The following RASL11A variants were observed in gnomAD, a reference collection of about 807,000 sequenced individuals.
The protein encoded by RASL11A is RAS like family 11 member A, also known as ras-like protein family member 11A.
In RASL11A, 14 loss-of-function variants were observed where a neutral mutation model predicts 17.1. The ratio of observed to expected loss-of-function variants is 0.82; its 90% CI spans 0.54 to 1.28. RASL11A has a LOEUF of 1.28. RASL11A is among the 50% of genes most tolerant of loss of function. The pLI, the probability that RASL11A is intolerant of heterozygous loss-of-function variation, is 0.00. For synonymous variants in RASL11A, 146 were observed against 132.5 expected, an observed-to-expected ratio of 1.10 and a Z score of -0.70; for missense variants, 283 against 312.3, an observed-to-expected ratio of 0.91 and a Z score of 0.71.
chr13:27,271,532 C>T lies in RASL11A; in HGVS notation c.173C>T (p.Pro58Leu), dbSNP rs766458775. The change falls in exon 2 of 4, where the codon CCG becomes CTG. Residue 58 changes from proline (P) to leucine (L), a missense_variant. Coordinates refer to ENST00000241463, the MANE Select transcript of RASL11A (RefSeq NM_206827.2). ...AAGAGATTCATTGGAGACTATGAAC[C>T]GAATACAGGTGAGAATACTTTCACG... Reference protein sequence around the residue: ...LTKRFIGDYEPNTGKLYSRLV... With the variant: ...LTKRFIGDYELNTGKLYSRLV... 1 of 1,614,026 alleles carries T rather than the reference C, an allele frequency of 6.2e-7. No individual in the cohort carries two copies. The highest frequency in any genetic ancestry group is 8.5e-7 in the Non-Finnish European group (1 of 1,179,984).
rs145325840 is a variant in RASL11A, at chr13:27,271,751, C to A, written c.261+33C>A. The A allele has an allele frequency of 5.8e-4, 907 of 1,563,652 alleles. 4 individuals are homozygous for A. In the African/African-American group the frequency reaches 0.011, roughly 19 times the overall value. The stretch of plus-strand genomic sequence containing the variant: ...CCGCCAGGGGCAAACAGCTCACCCC[C>A]ACCCGTGAGACCACCCCAGTGGGCA... On this transcript the variant is annotated intron_variant, in intron 3 of 3. Transcript: ENST00000241463.
rs778646573 is a variant in RASL11A at position 27,273,138 on chromosome 13, C to T, written c.373C>T (p.Arg125Ter). 21 of 1,614,050 alleles carry T rather than the reference C, an allele frequency of 1.3e-5. No homozygotes were observed. Among genetic ancestry groups the T allele is most frequent in the Non-Finnish European group, 1.5e-5 (18 of 1,180,034 alleles). ...AGACTATGACAGCTACTTGTCCATC[C>T]GACCCCTTTATCAGCACATCCGGAA... ...ITDYDSYLSI[R>*]PLYQHIRKVH... Residue 125 changes from arginine (R) to a stop codon, truncating the protein, a stop_gained, in exon 4 of 4, where the codon CGA (arginine) becomes TGA (stop). Transcript: ENST00000241463. LOFTEE classifies it high-confidence loss of function.
intron 3 of RASL11A, among the ~76,000 whole-genome samples, chr13:27,272,241 C>T (rs79323966): frequency 0.055 from 8,430 of 152,164 alleles, 462 homozygotes; most frequent in Non-Finnish European, 0.076. Context: ...TCTCCTGCTT[C>T]AGTCTCCCGA....
Position 27,273,122 on chromosome 13 carries a change from C to T in RASL11A, c.357C>T (p.Asp119=), listed in dbSNP as rs1275265087. Reference sequence around the variant, plus strand: ...TGGTCTATTCCATCACAGACTATGACAGCTACTTGTCCATCCGACCCCTTT... The same window carrying T: ...TGGTCTATTCCATCACAGACTATGATAGCTACTTGTCCATCCGACCCCTTT... ...FLLVYSITDY[D]SYLSIRPLYQ... is the part of the protein sequence containing the mutation. The change falls in exon 4 of 4, where the codon GAC becomes GAT. Residue 119 remains aspartate (D), a synonymous_variant. Transcript: ENST00000241463. The T allele has an allele frequency of 6.2e-7, 1 of 1,614,220 alleles. No individual in the cohort carries two copies. The highest frequency in any genetic ancestry group is 8.5e-7 in the Non-Finnish European group (1 of 1,180,032).
rs1385871279 is a variant in RASL11A, at chr13:27,273,593, T to C, written c.*99T>C. The C allele has an allele frequency of 1.1e-6, 1 of 900,202 alleles. No homozygotes were observed. Among genetic ancestry groups the C allele is most frequent in the Non-Finnish European group, 1.6e-6 (1 of 619,934 alleles). The allele number at this position is 900,202 out of a possible 1,614,324, so 55.8% of individuals were successfully genotyped here. ...ATCACACATTCAGAGTTTATTTTTA[T>C]AAAAAAATTGATTTTCAAGTACATG... On this transcript the variant is annotated 3_prime_UTR_variant, in exon 4 of 4. Coordinates refer to ENST00000241463, the MANE Select transcript of RASL11A (RefSeq NM_206827.2).
chr13:27,270,903 C>A lies in RASL11A; in HGVS notation c.-42C>A. 1 of 1,555,862 alleles carries A rather than the reference C, an allele frequency of 6.4e-7. No homozygotes were observed. The highest frequency in any genetic ancestry group is 8.7e-7 in the Non-Finnish European group (1 of 1,150,662). On this transcript the variant is annotated 5_prime_UTR_variant, in exon 1 of 4. Transcript: ENST00000241463. The stretch of plus-strand genomic sequence containing the variant: ...GAGCCGGCTCCGGGTGCGGCGAGGC[C>A]CAGCCCTCTCGGATTGCGCGCCGGA...
intron 1 of RASL11A, 103 bp downstream of exon 1, chr13:27,271,171 G>C (rs941809731): frequency 1.0e-5 from 15 of 1,478,334 alleles, no homozygotes; most frequent in Middle Eastern, 2.2e-4. Context: ...CAGAGGGCGC[G>C]GGTGCAGGTA....
intron 1 of RASL11A, 136 bp from the exon 2 acceptor site, chr13:27,271,348 C>A: frequency 6.6e-7 from 1 of 1,512,110 alleles, no homozygotes; most frequent in Non-Finnish European, 8.9e-7. Context: ...GCCCGCGGCA[C>A]CACGGCTTTG....
intron 3 of RASL11A, among the ~76,000 whole-genome samples, chr13:27,272,424 C>T (rs78479925): frequency 0.016 from 2,376 of 152,298 alleles, 65 homozygotes; most frequent in African/African-American, 0.054. Flanking sequence ...TGAGCCACAG[C>T]GCCCGGCCCA....
chr13:27,272,488 A>G lies in RASL11A; in HGVS notation c.262-539A>G, dbSNP rs534017764. On this transcript the variant is annotated intron_variant, in intron 3 of 3. Coordinates refer to ENST00000241463, the MANE Select transcript of RASL11A (RefSeq NM_206827.2). ...CTGTTCCCTCAAGTCAGTAATTGCAATCAGATAACCCCTTGGCAGAGGGTC... is the reference window on the plus strand; with the variant it reads ...CTGTTCCCTCAAGTCAGTAATTGCAGTCAGATAACCCCTTGGCAGAGGGTC... 3.9e-5 allele frequency among the ~76,000 whole-genome samples: 6 copies of G among 152,330 alleles called. No homozygotes were observed. The South Asian group carries it at 1.2e-3, about 32-fold the overall frequency.
In RASL11A at chr13:27,271,625, AC is replaced by A; in HGVS notation, c.182-13del. 1 of 1,613,864 alleles carries A rather than the reference AC, an allele frequency of 6.2e-7. No individual in the cohort carries two copies. Among genetic ancestry groups the A allele is most frequent in the Non-Finnish European group, 8.5e-7 (1 of 1,179,820 alleles). On this transcript the variant is annotated splice_polypyrimidine_tract_variant and intron_variant, in intron 2 of 3. Coordinates refer to ENST00000241463, the MANE Select transcript of RASL11A (RefSeq NM_206827.2). ...GTTTGAGAATTAAAAAGCAAACTCT[AC>A]TTCATTCTCCAGGCAAGCTGTATTC...
rs1882416102 is a variant in RASL11A at position 27,274,456 on chromosome 13, T to A, written c.*962T>A. Among the ~76,000 whole-genome samples, 1 of 152,206 alleles carries A rather than the reference T, an allele frequency of 6.6e-6. No individual in the cohort carries two copies. The highest frequency in any genetic ancestry group is 1.5e-5 in the Non-Finnish European group (1 of 68,038). ...TGGCATCAAGATTCTTTACCACCTC[T>A]CCAGGCTTATCAACCCCTCCTTCCA... On this transcript the variant is annotated 3_prime_UTR_variant, in exon 4 of 4. Transcript: ENST00000241463.
chr13:27,274,242 A>C lies in RASL11A; in HGVS notation c.*748A>C, dbSNP rs895883814. Among the ~76,000 whole-genome samples, 1 of 152,078 alleles carries C rather than the reference A, an allele frequency of 6.6e-6. No homozygotes were observed. Among genetic ancestry groups the C allele is most frequent in the African/African-American group, 2.4e-5 (1 of 41,394 alleles). The stretch of plus-strand genomic sequence containing the variant: ...TTCTCTAAAGCCTCACTGTCCCTTA[A>C]TCTAGACCTCCCTTTGACTGGCAGG... On this transcript the variant is annotated 3_prime_UTR_variant, in exon 4 of 4. Coordinates refer to ENST00000241463, the MANE Select transcript of RASL11A (RefSeq NM_206827.2).
In RASL11A at chr13:27,274,139, C is replaced by T. The variant is rs2137928620; in HGVS notation, c.*645C>T. Among the ~76,000 whole-genome samples the T allele has an allele frequency of 6.6e-6, 1 of 152,152 alleles. No individual in the cohort carries two copies. The highest frequency in any genetic ancestry group is 1.5e-5 in the Non-Finnish European group (1 of 68,004). On this transcript the variant is annotated 3_prime_UTR_variant, in exon 4 of 4. Coordinates refer to ENST00000241463, the MANE Select transcript of RASL11A (RefSeq NM_206827.2). Reference sequence around the variant, plus strand: ...GTATTCCTTATGTCAGTAAGTGGACCCTACCACCCAAAAGTTGCCTCAAAA... The same window carrying T: ...GTATTCCTTATGTCAGTAAGTGGACTCTACCACCCAAAAGTTGCCTCAAAA...
At position 27,271,727 on chromosome 13, in the gene RASL11A, C is replaced by G. The variant is rs201702368; in HGVS notation, c.261+9C>G. On this transcript the variant is annotated intron_variant, in intron 3 of 3. Transcript: ENST00000241463. ...CTCCCGGGGGCGTCCAGGTAAGAAC[C>G]GCCAGGGGCAAACAGCTCACCCCCA... 3.7e-6 allele frequency: 6 copies of G among 1,601,500 alleles called. No individual in the cohort carries two copies. Among genetic ancestry groups the G allele is most frequent in the Middle Eastern group, 2.3e-4 (1 of 4,434 alleles).
intron 3 of RASL11A, among the ~76,000 whole-genome samples, chr13:27,272,271 C>A (rs575330039): frequency 6.6e-6 from 1 of 152,192 alleles, no homozygotes; most frequent in East Asian, 1.9e-4. Context: ...ACTACAGGCA[C>A]CCGCCGGAAC....
rs750056223 is a variant in RASL11A at position 27,273,432 on chromosome 13, C to G, written c.667C>G (p.Leu223Val). The G allele has an allele frequency of 6.2e-7, 1 of 1,614,202 alleles. No individual in the cohort carries two copies. The highest frequency in any genetic ancestry group is 8.5e-7 in the Non-Finnish European group (1 of 1,180,030). Residue 223 changes from leucine (L) to valine (V), a missense_variant, in exon 4 of 4, where the codon CTG (leucine) becomes GTG (valine). Coordinates refer to ENST00000241463, the MANE Select transcript of RASL11A (RefSeq NM_206827.2). ...PRPRSPNMQD[L>V]KRRFKQALSP... is the part of the protein sequence containing the mutation. ...GCCCCGCTCTCCCAACATGCAGGAC[C>G]TGAAGAGACGCTTCAAGCAGGCTCT...
chr13:27,272,151 C>T (rs1044526817), intron 3 of RASL11A, among the ~76,000 whole-genome samples: 1 of 152,192 alleles, frequency 6.6e-6, no homozygotes, highest in African/African-American at 2.4e-5. Flanking sequence ...GAGTTTCACT[C>T]TTGCCCAGGC....
chr13:27,271,416 T>A, intron 1 of RASL11A, 68 bp from the exon 2 acceptor site: 1 of 1,591,456 alleles, frequency 6.3e-7, no homozygotes, highest in Non-Finnish European at 8.6e-7. Context: ...CCCCCCAGTT[T>A]GTCCGAGGTG....
Sources: allele counts gnomAD v4.1 joint callset (sites outside exome capture counted in the v4.1 genomes callset), GRCh38; gene constraint gnomAD v4.1.1; transcripts MANE v1.5; gene names NCBI Gene and HGNC (gene_info 2026-07-23, HGNC 2026-07-21).